FMN2: variants seen among roughly 807,000 people sequenced by gnomAD.
FMN2 encodes the protein formin-2.
FMN2 carries 51 observed loss-of-function variants against 142.3 expected under a neutral mutation model. That is an observed-to-expected ratio of 0.36 (90% confidence interval 0.29 to 0.45). FMN2 has a LOEUF of 0.45. Ranked by LOEUF, FMN2 falls within the 20% of genes least tolerant of loss-of-function variation. FMN2 has a pLI of 1.00. For missense variants in FMN2, 1,936 were observed against 2,122.8 expected (o/e 0.91, Z 1.73); for synonymous variants, 882 against 869.8 (o/e 1.01, Z -0.25).
At chr1:240,443,752 CAAAA>C (rs57610518) in intron 16 of FMN2, among the ~76,000 whole-genome samples, 1 of 147,500 alleles carries the variant, frequency 6.8e-6, no homozygotes, top group Non-Finnish European at 1.5e-5. Context: ...GACTCAGTCT[CAAAA>C]AAAAAAATTT....
chr1:240,166,903 C>G (rs1323584098), intron 2 of FMN2, among the ~76,000 whole-genome samples: 1 of 152,144 alleles, frequency 6.6e-6, no homozygotes, highest in African/African-American at 2.4e-5. Flanking sequence ...AGGCGGATAA[C>G]CTGAGGTCAG....
Position 240,294,895 on chromosome 1 carries a change from A to G in FMN2, c.4215+12A>G. On this transcript the variant is annotated intron_variant, in intron 8 of 17. Coordinates refer to ENST00000319653, the MANE Select transcript of FMN2 (RefSeq NM_020066.5). Reference sequence around the variant, plus strand: ...CTCTCTATGAGAATGTGAGTAATAGAAGGAATTTTATGTGTGAGTATATAA... The same window carrying G: ...CTCTCTATGAGAATGTGAGTAATAGGAGGAATTTTATGTGTGAGTATATAA... 6.2e-7 allele frequency: 1 copy of G among 1,610,894 alleles called. No individual in the cohort carries two copies. Among genetic ancestry groups the G allele is most frequent in the African/African-American group, 1.3e-5 (1 of 74,954 alleles).
chr1:240,379,458 T>C (rs150115413), intron 14 of FMN2, among the ~76,000 whole-genome samples: 5 of 152,344 alleles, frequency 3.3e-5, no homozygotes, highest in Non-Finnish European at 7.3e-5. Context: ...AAGTATTTCC[T>C]CTCTGGAACT....
intron 16 of FMN2, among the ~76,000 whole-genome samples, chr1:240,439,734 C>T (rs1427061186): frequency 2.6e-5 from 4 of 152,140 alleles, no homozygotes; most frequent in African/African-American, 9.7e-5. Context: ...TAAGCGTATG[C>T]GAATCACTGT....
At chr1:240,261,703 A>G (rs1434305239) in intron 7 of FMN2, among the ~76,000 whole-genome samples, 1 of 152,170 alleles carries the variant, frequency 6.6e-6, no homozygotes. Flanking sequence ...AAAGGCAGAG[A>G]GGAGAGAAGA....
intron 14 of FMN2, among the ~76,000 whole-genome samples, chr1:240,365,654 T>G (rs4412583): frequency 6.6e-6 from 1 of 151,986 alleles, no homozygotes; most frequent in African/African-American, 2.4e-5. Flanking sequence ...AATATGGAAC[T>G]ATTCTTCTAT....
chr1:240,205,954 G>A (rs1666337708), intron 4 of FMN2, among the ~76,000 whole-genome samples: 2 of 147,646 alleles, frequency 1.4e-5, no homozygotes, highest in Admixed American at 6.9e-5. Context: ...GGAGTGCAGT[G>A]CAGTGGCCTG....
chr1:240,175,298 A>C (rs1271637735), intron 2 of FMN2, among the ~76,000 whole-genome samples: 1 of 152,184 alleles, frequency 6.6e-6, no homozygotes, highest in Non-Finnish European at 1.5e-5. Context: ...ATAGGTGTAC[A>C]GATGTTTCTT....
chr1:240,296,510 G>A (rs903138110), intron 8 of FMN2, among the ~76,000 whole-genome samples: 2 of 124,338 alleles, frequency 1.6e-5, no homozygotes, highest in Non-Finnish European at 3.1e-5. Context: ...TTAAGCCTCT[G>A]CTCTTTGGGG....
At chr1:240,353,357 A>G (rs1438622105) in intron 13 of FMN2, among the ~76,000 whole-genome samples, 1 of 152,242 alleles carries the variant, frequency 6.6e-6, no homozygotes, top group African/African-American at 2.4e-5. Flanking sequence ...CAAAAATGTT[A>G]GGTAATTAGC....
At chr1:240,216,948 CA>C (rs35536429) in intron 6 of FMN2, among the ~76,000 whole-genome samples, 47,612 of 140,410 alleles carry the variant, frequency 0.34, 8,097 homozygotes, top group Non-Finnish European at 0.4. Flanking sequence ...GACTCCGTCT[CA>C]AAAAAAAAAA....
chr1:240,423,773 G>A (rs182147572), intron 15 of FMN2, among the ~76,000 whole-genome samples: 11 of 152,310 alleles, frequency 7.2e-5, no homozygotes, highest in African/African-American at 2.4e-5. Context: ...AAGACCTCAC[G>A]AGTCCCTTCA....
intron 4 of FMN2, among the ~76,000 whole-genome samples, chr1:240,204,676 G>T (rs1418212664): frequency 1.2e-4 from 18 of 152,086 alleles, no homozygotes; most frequent in East Asian, 5.8e-4. Flanking sequence ...GCATGAACCC[G>T]CGAGGCAGAG....
rs539258628 is a variant in FMN2, at chr1:240,473,076, G to A, written c.5142+623G>A. Reference sequence around the variant, plus strand: ...ACTTTCTTTGTTACACACAGATCACGGCAGAGGCTGTATTTGAGCCACGAG... The same window carrying A: ...ACTTTCTTTGTTACACACAGATCACAGCAGAGGCTGTATTTGAGCCACGAG... On this transcript the variant is annotated intron_variant, in intron 17 of 17. Transcript: ENST00000319653. This position sits in a 1 kb window ranked among gnomAD's most constrained non-coding sequence, Gnocchi z 4.3. Among the ~76,000 whole-genome samples the A allele has an allele frequency of 6.6e-5, 10 of 152,246 alleles. No homozygotes were observed. Among genetic ancestry groups the A allele is most frequent in the South Asian group, 6.2e-4 (3 of 4,818 alleles).
intron 2 of FMN2, among the ~76,000 whole-genome samples, chr1:240,156,614 G>A (rs1011756555): frequency 6.6e-6 from 1 of 152,182 alleles, no homozygotes; most frequent in Non-Finnish European, 1.5e-5. Flanking sequence ...TCCAACAGCT[G>A]AGTTAGAGCA....
intron 16 of FMN2, among the ~76,000 whole-genome samples, chr1:240,442,120 C>T (rs1675640815): frequency 6.6e-6 from 1 of 152,004 alleles, no homozygotes; most frequent in South Asian, 2.1e-4. Context: ...TTCAAATGTC[C>T]TCTCTCTATT....
At chr1:240,317,034 G>A (rs1163046390) in intron 8 of FMN2, among the ~76,000 whole-genome samples, 1 of 152,128 alleles carries the variant, frequency 6.6e-6, no homozygotes, top group Non-Finnish European at 1.5e-5. Context: ...CAGGACGAGT[G>A]GGTGGCTCAT....
At chr1:240,197,254 G>A (rs146732695) in intron 4 of FMN2, among the ~76,000 whole-genome samples, 1 of 152,268 alleles carries the variant, frequency 6.6e-6, no homozygotes, top group African/African-American at 2.4e-5. Flanking sequence ...GATAGCTGAT[G>A]AACACATGGT....
At chr1:240,212,342 A>G (rs756767154) in intron 6 of FMN2, among the ~76,000 whole-genome samples, 3 of 152,222 alleles carry the variant, frequency 2.0e-5, no homozygotes, top group Non-Finnish European at 2.9e-5. Flanking sequence ...CTGGGTGAGC[A>G]GGCTCACCCC....
Sources: gnomAD v4.1 joint callset for allele counts (sites outside exome capture counted in the v4.1 genomes callset) on GRCh38, gnomAD v4.1.1 for gene constraint, Gnocchi (gnomAD v3.1) non-coding constraint, MANE v1.5 for transcripts, NCBI Gene and HGNC (gene_info 2026-07-23, HGNC 2026-07-21) for gene names.